Variants in HHAT observed in about 807,000 individuals in gnomAD.
The protein encoded by HHAT is hedgehog acyltransferase.
A neutral mutation model predicts 70.8 loss-of-function variants in HHAT; 47 were observed. That is an observed-to-expected ratio of 0.66 (90% CI 0.53 to 0.85). The LOEUF (loss-of-function observed/expected upper bound fraction) is 0.85. HHAT is among the 40% of genes least tolerant of loss of function. The pLI is 0.00. For synonymous variants in HHAT, 228 were observed against 247.6 expected (o/e 0.92, Z 0.74); for missense variants, 609 against 604.8 (o/e 1.01, Z -0.07).
chr1:210,567,967 T>C (rs895799578), intron 9 of HHAT, among the ~76,000 whole-genome samples: 1 of 152,228 alleles, frequency 6.6e-6, no homozygotes, highest in African/African-American at 2.4e-5. Context: ...TCTAAAGTTA[T>C]GTGTCTTTTT....
intron 3 of HHAT, among the ~76,000 whole-genome samples, chr1:210,378,603 T>G (rs1227186028): frequency 6.6e-6 from 1 of 152,240 alleles, no homozygotes; most frequent in Non-Finnish European, 1.5e-5. Flanking sequence ...CTTTGATACC[T>G]CTATACAGTG....
At chr1:210,382,226 A>T (rs930974540) in intron 3 of HHAT, among the ~76,000 whole-genome samples, 23 of 152,190 alleles carry the variant, frequency 1.5e-4, no homozygotes, top group Non-Finnish European at 2.8e-4. Flanking sequence ...TAGGGGTGTG[A>T]GAAGAGGGGA....
At chr1:210,607,007 T>A (rs1665586774) in intron 10 of HHAT, among the ~76,000 whole-genome samples, 2 of 152,232 alleles carry the variant, frequency 1.3e-5, no homozygotes, top group Non-Finnish European at 2.9e-5. Flanking sequence ...TGATGCAATT[T>A]ATCTGTGAAA....
intron 1 of HHAT, among the ~76,000 whole-genome samples, chr1:210,332,532 G>T (rs2085086044): frequency 6.6e-6 from 1 of 152,194 alleles, no homozygotes. Flanking sequence ...ATAGTAAAGG[G>T]CTTCTTAGCT....
intron 9 of HHAT, among the ~76,000 whole-genome samples, chr1:210,534,753 C>G (rs889104384): frequency 9.2e-5 from 14 of 152,178 alleles, no homozygotes; most frequent in African/African-American, 2.7e-4. Flanking sequence ...CTACTTGTGG[C>G]ATCATCACAG....
intron 8 of HHAT, among the ~76,000 whole-genome samples, chr1:210,493,862 G>A (rs562009412): frequency 2.6e-5 from 4 of 152,202 alleles, no homozygotes; most frequent in South Asian, 2.1e-4. Context: ...CACCTCAAAT[G>A]GTATTCTTTC....
intron 11 of HHAT, among the ~76,000 whole-genome samples, chr1:210,673,948 G>C (rs1680677441): frequency 8.4e-6 from 1 of 118,360 alleles, no homozygotes; most frequent in African/African-American, 3.3e-5. Context: ...TTAAAAGCTT[G>C]CCCTATTTCT....
rs1045065616 is a variant in HHAT at position 210,583,353 on chromosome 1, G to C, written c.1044-4545G>C. Reference sequence around the variant, plus strand: ...GGCAGGCTTCGTGAAGACTCAACCTGACATAGTCACTGACGAGAAGCAATC... The same window carrying C: ...GGCAGGCTTCGTGAAGACTCAACCTCACATAGTCACTGACGAGAAGCAATC... On this transcript the variant is annotated intron_variant, in intron 9 of 11. Transcript: ENST00000261458. Among the ~76,000 whole-genome samples the C allele has an allele frequency of 2.8e-4, 43 of 152,266 alleles. 1 individual carries two copies. The highest frequency in any genetic ancestry group is 1.9e-4 in the Non-Finnish European group (13 of 68,046).
intron 7 of HHAT, among the ~76,000 whole-genome samples, chr1:210,449,000 C>T (rs995032561): frequency 2.0e-5 from 3 of 152,222 alleles, no homozygotes; most frequent in Admixed American, 6.5e-5. Flanking sequence ...CCCTGGCTCT[C>T]ATGTGGCATT....
chr1:210,618,431 T>C (rs1668185140), intron 10 of HHAT, among the ~76,000 whole-genome samples: 1 of 152,186 alleles, frequency 6.6e-6, no homozygotes, highest in South Asian at 2.1e-4. Flanking sequence ...ATGGAAAACT[T>C]CAGTGATTAT....
In HHAT at chr1:210,434,141, G is replaced by C. The variant is rs968480880; in HGVS notation, c.856+15816G>C. ...GGTACACAATTTATCAGAAGTTGAA[G>C]AGAGGCCAATAAGAGGGGAATGAAG... On this transcript the variant is annotated intron_variant, in intron 7 of 11. Coordinates refer to ENST00000261458, the MANE Select transcript of HHAT (RefSeq NM_018194.6). Among the ~76,000 whole-genome samples the C allele has an allele frequency of 2.8e-4, 42 of 152,092 alleles. 1 individual carries two copies. The highest frequency in any genetic ancestry group is 1.0e-3 in the African/African-American group (42 of 41,330).
chr1:210,508,269 T>A (rs1286165323), intron 8 of HHAT, among the ~76,000 whole-genome samples: 1 of 150,808 alleles, frequency 6.6e-6, no homozygotes, highest in Non-Finnish European at 1.5e-5. Flanking sequence ...AATTTGTCAC[T>A]ATGTAATAAT....
Position 210,588,027 on chromosome 1 carries a change from C to T in HHAT, c.1173C>T (p.Leu391=). The change falls in exon 10 of 12, where the codon CTC becomes CTT. Residue 391 remains leucine, a synonymous_variant. Transcript: ENST00000261458. ...ACTACCTCTGGTGCTGGGCAGCGCT[C>T]AACTGGCTGGGAGTCACTGTGGAGA... ...GYDYLWCWAA[L]NWLGVTVENG... 1 of 1,613,946 alleles carries T rather than the reference C, an allele frequency of 6.2e-7. No homozygotes were observed. The highest frequency in any genetic ancestry group is 8.5e-7 in the Non-Finnish European group (1 of 1,179,974).
intron 3 of HHAT, among the ~76,000 whole-genome samples, chr1:210,374,648 C>T (rs11119475): frequency 0.12 from 17,383 of 148,936 alleles, 1,310 homozygotes; most frequent in East Asian, 0.28. Flanking sequence ...ACTTGGAGTA[C>T]GATTTGTTAT....
intron 11 of HHAT, among the ~76,000 whole-genome samples, chr1:210,652,163 G>C (rs1445823655): frequency 6.6e-6 from 1 of 152,190 alleles, no homozygotes; most frequent in Non-Finnish European, 1.5e-5. Context: ...TGGGATGATA[G>C]ATGGAATAGA....
At chr1:210,362,585 G>C (rs181728933) in intron 2 of HHAT, among the ~76,000 whole-genome samples, 1 of 152,306 alleles carries the variant, frequency 6.6e-6, no homozygotes, top group Non-Finnish European at 1.5e-5. Flanking sequence ...ATGTTTTCCT[G>C]TGTTGGAAAC....
At chr1:210,428,642 C>T (rs964845638) in intron 7 of HHAT, among the ~76,000 whole-genome samples, 2 of 151,350 alleles carry the variant, frequency 1.3e-5, no homozygotes, top group Non-Finnish European at 2.9e-5. Context: ...TTAGCATATT[C>T]CTTTATCCCT....
intron 10 of HHAT, among the ~76,000 whole-genome samples, chr1:210,594,739 G>A (rs1445770121): frequency 1.3e-5 from 2 of 152,178 alleles, no homozygotes; most frequent in African/African-American, 4.8e-5. Context: ...TGGTGTTGAT[G>A]AAATTCCTCA....
intron 6 of HHAT, among the ~76,000 whole-genome samples, chr1:210,405,191 CA>C (rs960165958): frequency 1.7e-4 from 26 of 152,234 alleles, no homozygotes; most frequent in Non-Finnish European, 2.9e-4. Flanking sequence ...AGTTCGAAGG[CA>C]GTGGTGTGTG....
Sources: gnomAD v4.1 joint callset for allele counts (sites outside exome capture counted in the v4.1 genomes callset) on GRCh38, gnomAD v4.1.1 for gene constraint, MANE v1.5 for transcripts, NCBI Gene and HGNC (gene_info 2026-07-23, HGNC 2026-07-21) for gene names.